BCL11A: variants seen among roughly 807,000 people sequenced by gnomAD.
BCL11A encodes the protein B cell CLL/lymphoma 11A.
Under a neutral mutation model 55.9 loss-of-function variants are expected in BCL11A, and 2 were observed. That is an observed-to-expected ratio of 0.04 (90% CI 0.01 to 0.11). BCL11A has a LOEUF of 0.11. BCL11A is among the 10% of genes least tolerant of loss of function. The pLI is 1.00. For synonymous variants in BCL11A, 465 were observed against 473.4 expected, an observed-to-expected ratio of 0.98 and a Z score of 0.23; for missense variants, 817 against 1,137.1, an observed-to-expected ratio of 0.72 and a Z score of 4.05.
Position 60,461,329 on chromosome 2 carries a change from C to G in BCL11A, c.1583G>C (p.Ser528Thr). Residue 528 changes from serine (S) to threonine (T), a missense_variant, in exon 4 of 4, where the codon AGC becomes ACC. This residue lies in a region of BCL11A where 379 missense variants were observed against 425.3 expected (regional missense o/e 0.89). Coordinates refer to ENST00000642384, the MANE Select transcript of BCL11A (RefSeq NM_022893.4). Reference sequence around the variant, plus strand: ...CACGCCCACGACCGCGCCCCGCGAGCTGTTCTCGTGGTGGCGCGCCGCCTC... The same window carrying G: ...CACGCCCACGACCGCGCCCCGCGAGGTGTTCTCGTGGTGGCGCGCCGCCTC... Reference protein sequence around the residue: ...SLEAARHHENSSRGAVVGVGD... With the variant: ...SLEAARHHENTSRGAVVGVGD... 1 of 1,597,304 alleles carries G rather than the reference C, an allele frequency of 6.3e-7. No homozygotes were observed. Among genetic ancestry groups the G allele is most frequent in the Non-Finnish European group, 8.5e-7 (1 of 1,177,116 alleles).
chr2:60,508,557 G>C (rs1679775798), intron 2 of BCL11A: 1 of 152,286 alleles, frequency 6.6e-6, no homozygotes, highest in African/African-American at 2.4e-5. Context: ...AGAGGACTTT[G>C]CTTTCCTCCG....
chr2:60,519,828 A>C lies in BCL11A; in HGVS notation c.385+26143T>G, dbSNP rs562403676. Among the ~76,000 whole-genome samples, 139 of 152,342 alleles carry C rather than the reference A, an allele frequency of 9.1e-4. 1 individual carries two copies. The highest frequency in any genetic ancestry group is 3.4e-3 in the Middle Eastern group (1 of 294). ...TCCTAAATTACTCCAATGACAAAGA[A>C]AACTCAGTGAAGACAAAGAGATCGT... is the stretch of plus-strand genomic sequence containing the variant. On this transcript the variant is annotated intron_variant, in intron 2 of 3. Coordinates refer to ENST00000642384, the MANE Select transcript of BCL11A (RefSeq NM_022893.4).
intron 2 of BCL11A, chr2:60,542,415 T>C (rs1669962208): frequency 6.6e-6 from 1 of 150,650 alleles, no homozygotes; most frequent in Non-Finnish European, 1.5e-5. Context: ...AATATGAGAC[T>C]AAAAAAAAAG....
chr2:60,499,986 C>T (rs1025657953), intron 2 of BCL11A: 2 of 152,626 alleles, frequency 1.3e-5, no homozygotes, highest in African/African-American at 4.8e-5. Context: ...CAGCCAGGCA[C>T]TCACCCCACT....
At position 60,546,345 on chromosome 2, in the gene BCL11A, G is replaced by A. The variant is rs1232966255; in HGVS notation, c.56-45C>T. On this transcript the variant is annotated intron_variant, in intron 1 of 3. Transcript: ENST00000642384. The surrounding 1 kb of genome is among the most constrained non-coding windows in gnomAD (Gnocchi z 4.1). ...AGCACAATTATTAGAGTGCCAGAGA[G>A]GACAGAAAGGGGAGAAGCACATCTC... The A allele has an allele frequency of 6.5e-7, 1 of 1,533,742 alleles. No homozygotes were observed. Among genetic ancestry groups the A allele is most frequent in the Admixed American group, 1.8e-5 (1 of 56,854 alleles).
chr2:60,552,706 GCC>G (rs1670470925), intron 1 of BCL11A, among the ~76,000 whole-genome samples: 3 of 152,058 alleles, frequency 2.0e-5, no homozygotes, highest in Admixed American at 6.5e-5. Context: ...GTGTCCAAAA[GCC>G]AGTCTCACCT....
chr2:60,467,198 GTGATGGCGGTGATGGTACTGGTGA>G (rs1676721420), intron 3 of BCL11A, among the ~76,000 whole-genome samples: 1 of 135,532 alleles, frequency 7.4e-6, no homozygotes, highest in East Asian at 2.2e-4. Context: ...GATGGTGGTG[GTGATGGCGGTGATGGTACTGGTGA>G]TGGTGGTGGT....
chr2:60,455,079 A>C (rs1014140016), downstream of BCL11A, among the ~76,000 whole-genome samples: 53 of 152,322 alleles, frequency 3.5e-4, no homozygotes, highest in Admixed American at 7.8e-4. Flanking sequence ...GGAAGGAGGT[A>C]ATATAGGCAC....
intron 2 of BCL11A, among the ~76,000 whole-genome samples, chr2:60,497,072 G>A (rs149627919): frequency 1.6e-4 from 25 of 152,306 alleles, no homozygotes; most frequent in African/African-American, 6.0e-4. Flanking sequence ...GAGTGGACAG[G>A]GAGTACACCG....
chr2:60,537,693 A>T (rs1669732007), intron 2 of BCL11A: 1 of 152,272 alleles, frequency 6.6e-6, no homozygotes, highest in Admixed American at 6.5e-5. Flanking sequence ...CTTTTTATGC[A>T]TCATTACATA....
Position 60,468,743 on chromosome 2 carries a change from G to A in BCL11A, c.476C>T (p.Pro159Leu), listed in dbSNP as rs981132327. The A allele has an allele frequency of 1.1e-5, 18 of 1,611,218 alleles. No homozygotes were observed. The highest frequency in any genetic ancestry group is 1.3e-5 in the Non-Finnish European group (15 of 1,177,972). The stretch of plus-strand genomic sequence containing the variant: ...AAGGCTCAACTTACAAATACCCTGC[G>A]GGGCATATTCTGCACTCATCCCAGG... ...PTPGMSAEYA[P>L]QGICKDEPSS... The change falls in exon 3 of 4, where the codon CCG (proline) becomes CTG (leucine). Residue 159 changes from proline (P) to leucine (L), a missense_variant. Transcript: ENST00000642384.
At chr2:60,550,938 G>T (rs1670386600) in intron 1 of BCL11A, 7 of 398,160 alleles carry the variant, frequency 1.8e-5, no homozygotes, top group Admixed American at 4.4e-5. Flanking sequence ...GGGGGAGTTG[G>T]GGGCGGGGGA....
intron 2 of BCL11A, among the ~76,000 whole-genome samples, chr2:60,538,733 CTCTCTCTGTGTGTGTG>C (rs1198175074): frequency 4.7e-5 from 3 of 64,284 alleles, no homozygotes; most frequent in African/African-American, 1.2e-4. Flanking sequence ...CTCTCTCTCT[CTCTCTCTGTGTGTGTG>C]TGTGTGTGTG....
At chr2:60,515,959 A>G (rs1668709110) in intron 2 of BCL11A, among the ~76,000 whole-genome samples, 1 of 152,186 alleles carries the variant, frequency 6.6e-6, no homozygotes, top group Non-Finnish European at 1.5e-5. Context: ...CCGCTGGGCC[A>G]ACACCCACGG....
chr2:60,522,757 A>T (rs1433793353), intron 2 of BCL11A: 1 of 152,250 alleles, frequency 6.6e-6, no homozygotes, highest in Non-Finnish European at 1.5e-5. Flanking sequence ...ACTGGAATTC[A>T]TTTGTCTTGG....
At chr2:60,515,429 C>T (rs1017643820) in intron 2 of BCL11A, among the ~76,000 whole-genome samples, 1 of 152,172 alleles carries the variant, frequency 6.6e-6, no homozygotes, top group African/African-American at 2.4e-5. Flanking sequence ...AAAAATAAAA[C>T]ATGACTCCTG....
intron 2 of BCL11A, among the ~76,000 whole-genome samples, chr2:60,511,950 A>T (rs1303095314): frequency 6.6e-6 from 1 of 152,196 alleles, no homozygotes; most frequent in African/African-American, 2.4e-5. Flanking sequence ...CCTCCCAGCA[A>T]TGTAGGTGTT....
chr2:60,546,779 T>A lies in BCL11A; in HGVS notation c.56-479A>T, dbSNP rs1018268661. ...TTGTGCCAAAGAATGAAAGGAGAGG[T>A]GAATAAACACACACACCCTTTGTGT... On this transcript the variant is annotated intron_variant, in intron 1 of 3. Coordinates refer to ENST00000642384, the MANE Select transcript of BCL11A (RefSeq NM_022893.4). The surrounding 1 kb of genome is among the most constrained non-coding windows in gnomAD (Gnocchi z 4.1). 1.3e-5 allele frequency among the ~76,000 whole-genome samples: 2 copies of A among 152,004 alleles called. No individual in the cohort carries two copies. The highest frequency in any genetic ancestry group is 4.8e-5 in the African/African-American group (2 of 41,364).
At chr2:60,523,155 C>T (rs1326250373) in intron 2 of BCL11A, among the ~76,000 whole-genome samples, 1 of 152,200 alleles carries the variant, frequency 6.6e-6, no homozygotes, top group African/African-American at 2.4e-5. Context: ...AGGCAGGTCA[C>T]AGAAAATACA....
Sources: gnomAD v4.1 joint callset for allele counts (sites outside exome capture counted in the v4.1 genomes callset) on GRCh38, gnomAD v4.1.1 for gene constraint, gnomAD v4.1.1 regional missense constraint, Gnocchi (gnomAD v3.1) non-coding constraint, MANE v1.5 for transcripts, NCBI Gene and HGNC (gene_info 2026-07-23, HGNC 2026-07-21) for gene names.